PTPRR: variants seen among roughly 807,000 people sequenced by gnomAD.
PTPRR encodes protein tyrosine phosphatase receptor type R.
Under a neutral mutation model 77.2 loss-of-function variants are expected in PTPRR, and 38 were observed. That is an observed-to-expected ratio of 0.49 (90% CI 0.38 to 0.65). PTPRR has a LOEUF of 0.65. Among genes scored for constraint, PTPRR ranks in the 30% least tolerant of loss-of-function variants. The probability of loss-of-function intolerance (pLI) is 0.00; values close to 1 mark genes in which losing one functional copy is unlikely to be tolerated. For synonymous variants in PTPRR, 299 were observed against 283.1 expected (o/e 1.06, Z -0.57); for missense variants, 744 against 799.2 (o/e 0.93, Z 0.83).
chr12:70,709,109 C>G (rs2136807774), intron 6 of PTPRR, among the ~76,000 whole-genome samples: 1 of 152,154 alleles, frequency 6.6e-6, no homozygotes, highest in East Asian at 1.9e-4. Context: ...AGCAGCACAT[C>G]AAAAAGCTTA....
chr12:70,705,877 A>G (rs566493533), intron 6 of PTPRR, among the ~76,000 whole-genome samples: 1 of 152,176 alleles, frequency 6.6e-6, no homozygotes, highest in South Asian at 2.1e-4. Flanking sequence ...TAGTCCAACT[A>G]TTCATCCTTG....
intron 6 of PTPRR, among the ~76,000 whole-genome samples, chr12:70,719,427 T>A (rs1889157370): frequency 6.6e-6 from 1 of 151,912 alleles, no homozygotes. Context: ...ATCCTAGAAA[T>A]CCCTTTTCAA....
intron 6 of PTPRR, among the ~76,000 whole-genome samples, chr12:70,714,850 T>C (rs1185592197): frequency 1.3e-5 from 2 of 151,858 alleles, no homozygotes; most frequent in Non-Finnish European, 2.9e-5. Context: ...CTGGGCATGG[T>C]GGTGTGTTCC....
intron 2 of PTPRR, among the ~76,000 whole-genome samples, chr12:70,814,637 G>A (rs571598848): frequency 1.3e-5 from 2 of 152,090 alleles, no homozygotes; most frequent in African/African-American, 4.8e-5. Context: ...GGGCCGGCCC[G>A]GCTTTGGCTT....
At chr12:70,901,748 ATAGTTGGGAC>A in intron 1 of PTPRR, among the ~76,000 whole-genome samples, 2 of 151,886 alleles carry the variant, frequency 1.3e-5, no homozygotes, top group East Asian at 3.9e-4. Flanking sequence ...AGAAAGATAA[ATAGTTGGGAC>A]TTAATCATTA....
intron 6 of PTPRR, among the ~76,000 whole-genome samples, chr12:70,707,045 T>C (rs1888644265): frequency 2.6e-5 from 4 of 152,228 alleles, no homozygotes; most frequent in Admixed American, 2.0e-4. Flanking sequence ...CTGATGAACA[T>C]TTGAGGGAGG....
At chr12:70,690,377 G>A (rs1888014433) in intron 8 of PTPRR, among the ~76,000 whole-genome samples, 1 of 152,132 alleles carries the variant, frequency 6.6e-6, no homozygotes, top group Non-Finnish European at 1.5e-5. Flanking sequence ...CCAAACATCT[G>A]GGGTTTGTAT....
chr12:70,733,448 A>AAAAAAAAAAAAAAAAAAAT (rs1889743013), intron 6 of PTPRR, among the ~76,000 whole-genome samples: 1 of 92,242 alleles, frequency 1.1e-5, no homozygotes, highest in African/African-American at 4.2e-5. Context: ...AAAAAAAAGA[A>AAAAAAAAAAAAAAAAAAAT]AGAAAAAAAG....
chr12:70,786,080 A>T (rs2137004103), intron 2 of PTPRR, among the ~76,000 whole-genome samples: 1 of 152,302 alleles, frequency 6.6e-6, no homozygotes, highest in Non-Finnish European at 1.5e-5. Context: ...GTCAGGCAGA[A>T]ACCCTGTGTG....
chr12:70,857,422 G>C (rs865829375), intron 2 of PTPRR, among the ~76,000 whole-genome samples: 1 of 152,296 alleles, frequency 6.6e-6, no homozygotes, highest in Middle Eastern at 3.4e-3. Flanking sequence ...AATCCATACT[G>C]TAGTGGATTA....
At chr12:70,907,493 A>C (rs1053375405) in intron 1 of PTPRR, among the ~76,000 whole-genome samples, 5 of 152,170 alleles carry the variant, frequency 3.3e-5, no homozygotes, top group Admixed American at 1.3e-4. Flanking sequence ...CAGAATTGAC[A>C]ACCGTTTCAG....
chr12:70,881,295 CTT>C (rs1192174752), intron 2 of PTPRR, among the ~76,000 whole-genome samples: 10 of 152,172 alleles, frequency 6.6e-5, no homozygotes. Context: ...TTAAGGGAAA[CTT>C]AGCAGTAAGA....
chr12:70,892,651 C>T (rs1238608761), intron 2 of PTPRR, 28 bp downstream of exon 2: 4 of 1,605,218 alleles, frequency 2.5e-6, no homozygotes, highest in African/African-American at 1.3e-5. Context: ...CAACATCAGC[C>T]TCAGCATCAG....
chr12:70,642,137 C>T (rs1886026886), intron 13 of PTPRR, among the ~76,000 whole-genome samples: 1 of 152,028 alleles, frequency 6.6e-6, no homozygotes, highest in African/African-American at 2.4e-5. Flanking sequence ...TTTGCAGGTG[C>T]ATCAGGTGGT....
intron 8 of PTPRR, among the ~76,000 whole-genome samples, chr12:70,686,665 C>G (rs929574744): frequency 4.6e-5 from 7 of 152,094 alleles, no homozygotes; most frequent in Non-Finnish European, 7.4e-5. Context: ...TGAGGGCACT[C>G]AAGCAGCCCA....
At chr12:70,690,614 C>T (rs548960443) in intron 8 of PTPRR, among the ~76,000 whole-genome samples, 2 of 152,280 alleles carry the variant, frequency 1.3e-5, no homozygotes, top group Non-Finnish European at 2.9e-5. Context: ...TTTCTTCTGA[C>T]CTACAACAAA....
intron 8 of PTPRR, among the ~76,000 whole-genome samples, chr12:70,690,893 A>G (rs572907456): frequency 9.9e-5 from 15 of 152,202 alleles, no homozygotes; most frequent in Admixed American, 9.2e-4. Flanking sequence ...GATTTCTTTG[A>G]CCTGGTACAC....
rs543468551 is a variant in PTPRR at position 70,682,113 on chromosome 12, G to C, written c.1497+2014C>G. Reference sequence around the variant, plus strand: ...GGCTGGAGTGCAGTGGCGCGATCTCGGCTCACTGCAAGCTCCGCCTCCCGG... The same window carrying C: ...GGCTGGAGTGCAGTGGCGCGATCTCCGCTCACTGCAAGCTCCGCCTCCCGG... On this transcript the variant is annotated intron_variant, in intron 10 of 13. Coordinates refer to ENST00000283228, the MANE Select transcript of PTPRR (RefSeq NM_002849.4). 6.0e-5 allele frequency among the ~76,000 whole-genome samples: 8 copies of C among 132,330 alleles called. No homozygotes were observed. In the East Asian group the frequency reaches 7.5e-4, roughly 12 times the overall value. 86.8% of individuals were successfully genotyped at this position (132,330 alleles called of 152,430 possible).
At chr12:70,740,085 A>G (rs1889997109) in intron 6 of PTPRR, among the ~76,000 whole-genome samples, 1 of 152,220 alleles carries the variant, frequency 6.6e-6, no homozygotes, top group Non-Finnish European at 1.5e-5. Context: ...AAAGATTGTT[A>G]TAGCAAGATA....
Sources: allele counts gnomAD v4.1 joint callset (sites outside exome capture counted in the v4.1 genomes callset), GRCh38; gene constraint gnomAD v4.1.1; transcripts MANE v1.5; gene names NCBI Gene and HGNC (gene_info 2026-07-23, HGNC 2026-07-21).